Variants in CAAP1 observed in about 807,000 individuals in gnomAD.
The protein encoded by CAAP1 is conserved anti-apoptotic protein.
Under a neutral mutation model 34.0 loss-of-function variants are expected in CAAP1, and 20 were observed. The observed-to-expected ratio is 0.59, with a 90% CI of 0.41 to 0.86. The LOEUF is 0.86. Ranked by LOEUF, CAAP1 falls within the 40% of genes least tolerant of loss-of-function variation. The probability of loss-of-function intolerance (pLI) is 0.00; values close to 1 mark genes in which losing one functional copy is unlikely to be tolerated. For synonymous variants in CAAP1, 213 were observed against 166.7 expected (o/e 1.28, Z -2.14); for missense variants, 538 against 450.5 (o/e 1.19, Z -1.76).
chr9:26,892,317 G>T (rs1208861487), intron 1 of CAAP1, 96 bp downstream of exon 1: 2 of 1,549,184 alleles, frequency 1.3e-6, no homozygotes, highest in Non-Finnish European at 1.7e-6. Flanking sequence ...TGCCGCGCTA[G>T]CAGTGAGCTC....
Position 26,871,942 on chromosome 9 carries a change from T to TAAATAAATAAATAAAA in CAAP1, c.666-10804_666-10803insTTTTATTTATTTATTT, listed in dbSNP as rs527835394. The stretch of plus-strand genomic sequence containing the variant: ...ATAAATAAATAAATAAATAAATAAA[T>TAAATAAATAAATAAAA]AAAATAAAAAATCTAATGCAGCTGC... On this transcript the variant is annotated intron_variant, in intron 4 of 5. Transcript: ENST00000333916. Among the ~76,000 whole-genome samples the TAAATAAATAAATAAAA allele has an allele frequency of 6.1e-3, 931 of 151,458 alleles. 8 individuals carry two copies. The highest frequency in any genetic ancestry group is 0.021 in the African/African-American group (868 of 41,096).
At position 26,840,727 on chromosome 9, in the gene CAAP1, C is replaced by T. The variant is rs1276010592; in HGVS notation, c.*1574G>A. ...TTTAATCATCTACAAAGCCCTCAGA[C>T]CTGTTTTACTTTATATGTTTAATCA... On this transcript the variant is annotated 3_prime_UTR_variant, in exon 6 of 6. Transcript: ENST00000333916. 1.3e-5 allele frequency: 2 copies of T among 152,148 alleles called. No homozygotes were observed. Among genetic ancestry groups the T allele is most frequent in the African/African-American group, 2.4e-5 (1 of 41,438 alleles). 9.4% of individuals were successfully genotyped at this position (152,148 alleles called of 1,614,324 possible).
chr9:26,871,365 T>A (rs1255925951), intron 4 of CAAP1, among the ~76,000 whole-genome samples: 1 of 151,582 alleles, frequency 6.6e-6, no homozygotes, highest in Non-Finnish European at 1.5e-5. Flanking sequence ...ACCACCTGAG[T>A]TCAGGAGTTA....
At position 26,892,549 on chromosome 9, in the gene CAAP1, C is replaced by G. The variant is rs758201016; in HGVS notation, c.167G>C (p.Gly56Ala). 300 of 1,580,998 alleles carry G rather than the reference C, an allele frequency of 1.9e-4. No homozygotes were observed. Among genetic ancestry groups the G allele is most frequent in the Non-Finnish European group, 2.4e-4 (279 of 1,163,894 alleles). ...GACACTTCCACTAAAATTGGCGTTC[C>G]CACAGCAGCTGACGCTCCCGCAGCC... is the stretch of plus-strand genomic sequence containing the variant. Reference protein sequence around the residue: ...AGGCGSVSCCGNANFSGSVTG... With the variant: ...AGGCGSVSCCANANFSGSVTG... Residue 56 changes from glycine to alanine, a missense_variant, in exon 1 of 6, where the codon GGG becomes GCG. This residue lies in a region of CAAP1 where 514 missense variants were observed against 408.4 expected (regional missense o/e 1.26). Transcript: ENST00000333916.
At chr9:26,857,277 A>T (rs1170444583) in intron 5 of CAAP1, among the ~76,000 whole-genome samples, 1 of 152,236 alleles carries the variant, frequency 6.6e-6, no homozygotes, top group African/African-American at 2.4e-5. Context: ...TGTGCTAATG[A>T]GTAAAAACTA....
rs10967562 is a variant in CAAP1, at chr9:26,846,453, A to G, written c.740-3806T>C. On this transcript the variant is annotated intron_variant, in intron 5 of 5. Coordinates refer to ENST00000333916, the MANE Select transcript of CAAP1 (RefSeq NM_024828.4). Reference sequence around the variant, plus strand: ...AAAAAAAAAAAAGAAGAAGAAAAAAAAGAAAAAAGAAAGACTTACACTTAT... The same window carrying G: ...AAAAAAAAAAAAGAAGAAGAAAAAAGAGAAAAAAGAAAGACTTACACTTAT... Among the ~76,000 whole-genome samples the G allele has an allele frequency of 3.2e-3, 473 of 149,680 alleles. 1 individual carries two copies. The highest frequency in any genetic ancestry group is 0.011 in the African/African-American group (430 of 39,756).
intron 1 of CAAP1, among the ~76,000 whole-genome samples, chr9:26,888,661 G>A (rs996122786): frequency 6.6e-6 from 1 of 152,194 alleles, no homozygotes; most frequent in African/African-American, 2.4e-5. Flanking sequence ...CTGTTAGCAG[G>A]AATATAAAAT....
intron 5 of CAAP1, among the ~76,000 whole-genome samples, chr9:26,851,261 T>G (rs1267251891): frequency 6.6e-6 from 1 of 152,182 alleles, no homozygotes; most frequent in Admixed American, 6.5e-5. Context: ...AGGGAGATAT[T>G]CATAGATATA....
At chr9:26,867,058 C>G (rs1199020271) in intron 4 of CAAP1, among the ~76,000 whole-genome samples, 3 of 152,180 alleles carry the variant, frequency 2.0e-5, no homozygotes, top group Non-Finnish European at 2.9e-5. Context: ...CTATTGTGAA[C>G]TGCACATGCA....
At chr9:26,858,486 T>G (rs1234493886) in intron 5 of CAAP1, among the ~76,000 whole-genome samples, 1 of 152,190 alleles carries the variant, frequency 6.6e-6, no homozygotes, top group Non-Finnish European at 1.5e-5. Flanking sequence ...AATCATTTAG[T>G]AGATATTCTT....
intron 4 of CAAP1, among the ~76,000 whole-genome samples, chr9:26,861,676 C>T (rs1823006040): frequency 6.6e-6 from 1 of 152,082 alleles, no homozygotes; most frequent in Admixed American, 6.6e-5. Flanking sequence ...TGGAATACAG[C>T]TGCAAAATAA....
chr9:26,854,099 A>T (rs1312845569), intron 5 of CAAP1, among the ~76,000 whole-genome samples: 2 of 152,188 alleles, frequency 1.3e-5, no homozygotes. Flanking sequence ...TACCAATTAG[A>T]AACTGCCAGG....
chr9:26,863,103 T>C (rs557626044), intron 4 of CAAP1, among the ~76,000 whole-genome samples: 1 of 152,314 alleles, frequency 6.6e-6, no homozygotes, highest in South Asian at 2.1e-4. Context: ...GCCTTCCCTA[T>C]GAAAGCCTCT....
intron 5 of CAAP1, among the ~76,000 whole-genome samples, chr9:26,859,018 G>A (rs749136524): frequency 1.5e-4 from 23 of 149,550 alleles, no homozygotes; most frequent in Non-Finnish European, 2.8e-4. Context: ...AAAAAAAAAG[G>A]TTAAAACTTA....
intron 2 of CAAP1, among the ~76,000 whole-genome samples, chr9:26,886,785 T>A (rs1217695929): frequency 6.6e-6 from 1 of 152,122 alleles, no homozygotes; most frequent in East Asian, 1.9e-4. Flanking sequence ...CTCCACAGAG[T>A]CAACACATTT....
At chr9:26,887,026 C>T (rs1823761961) in intron 2 of CAAP1, among the ~76,000 whole-genome samples, 1 of 152,076 alleles carries the variant, frequency 6.6e-6, no homozygotes, top group African/African-American at 2.4e-5. Context: ...CCAGCCTGGC[C>T]AACACGGTGA....
intron 5 of CAAP1, among the ~76,000 whole-genome samples, chr9:26,855,612 T>A (rs564068340): frequency 6.6e-6 from 1 of 152,196 alleles, no homozygotes; most frequent in South Asian, 2.1e-4. Flanking sequence ...AAGCCTTTAA[T>A]AAAAAATAAA....
chr9:26,862,868 T>C lies in CAAP1; in HGVS notation c.666-1729A>G, dbSNP rs151165644. ...ATCTCTATCTCTTGGAAAAACACAA[T>C]GTAACATATAGTGAAAAGTGTCATG... On this transcript the variant is annotated intron_variant, in intron 4 of 5. Transcript: ENST00000333916. Among the ~76,000 whole-genome samples the C allele has an allele frequency of 3.0e-3, 462 of 152,156 alleles. 2 individuals are homozygous for C. The highest frequency in any genetic ancestry group is 4.9e-3 in the Non-Finnish European group (333 of 67,964).
chr9:26,846,443 G>GAGAA (rs1822608928), intron 5 of CAAP1, among the ~76,000 whole-genome samples: 29 of 127,638 alleles, frequency 2.3e-4, no homozygotes, highest in African/African-American at 8.7e-4. Flanking sequence ...AAAAAAAGAA[G>GAGAA]AAGAAAAAAA....
Sources: gnomAD v4.1 joint callset for allele counts (sites outside exome capture counted in the v4.1 genomes callset) on GRCh38, gnomAD v4.1.1 for gene constraint, gnomAD v4.1.1 regional missense constraint, MANE v1.5 for transcripts, NCBI Gene and HGNC (gene_info 2026-07-23, HGNC 2026-07-21) for gene names.